The following HDAC9 variants were observed in gnomAD, a reference collection of about 807,000 sequenced individuals.
The protein encoded by HDAC9 is histone deacetylase 9, also known as MEF-2 interacting transcription repressor (MITR) protein.
A neutral mutation model predicts 139.4 loss-of-function variants in HDAC9; 41 were observed. That is an observed-to-expected ratio of 0.29 (90% CI 0.23 to 0.38). HDAC9 has a LOEUF of 0.38. HDAC9 is among the 10% of genes least tolerant of loss of function. The pLI, the probability that HDAC9 is intolerant of heterozygous loss-of-function variation, is 1.00. For synonymous variants in HDAC9, 517 were observed against 476.2 expected (o/e 1.09, Z -1.12); for missense variants, 1,147 against 1,297.0 (o/e 0.88, Z 1.78).
intron 2 of HDAC9, among the ~76,000 whole-genome samples, chr7:18,501,998 A>T (rs1190022161): frequency 2.6e-5 from 4 of 152,182 alleles, no homozygotes; most frequent in Non-Finnish European, 5.9e-5. Flanking sequence ...AGCAGCATTC[A>T]GGTCCTTCAT....
At chr7:18,209,707 C>CTT (rs570706146) in intron 2 of HDAC9, among the ~76,000 whole-genome samples, 43 of 145,742 alleles carry the variant, frequency 3.0e-4, no homozygotes, top group African/African-American at 1.0e-3. Flanking sequence ...GTACTTTTTT[C>CTT]TTTTTTTTTT....
At chr7:18,862,413 A>G (rs566256807) in intron 21 of HDAC9, among the ~76,000 whole-genome samples, 2 of 152,350 alleles carry the variant, frequency 1.3e-5, no homozygotes, top group Admixed American at 6.5e-5. Flanking sequence ...AACTAAGACA[A>G]TTTACTAAGG....
chr7:18,759,233 G>T (rs1789157807), intron 14 of HDAC9, among the ~76,000 whole-genome samples: 1 of 152,032 alleles, frequency 6.6e-6, no homozygotes, highest in South Asian at 2.1e-4. Flanking sequence ...CCAAACCCTG[G>T]GCCACGGACC....
At chr7:18,905,407 C>T (rs116508524) in intron 22 of HDAC9, among the ~76,000 whole-genome samples, 1 of 152,192 alleles carries the variant, frequency 6.6e-6, no homozygotes, top group Admixed American at 6.5e-5. Flanking sequence ...AGCTTCTTCA[C>T]GTAGATTTTT....
chr7:18,178,566 A>T (rs1789144119), intron 2 of HDAC9, among the ~76,000 whole-genome samples: 1 of 152,186 alleles, frequency 6.6e-6, no homozygotes, highest in African/African-American at 2.4e-5. Context: ...TCCTTTTAGT[A>T]ACTTGAACTT....
chr7:18,165,243 G>A lies in HDAC9; in HGVS notation c.25+2894G>A, dbSNP rs146260258. 2.4e-4 allele frequency among the ~76,000 whole-genome samples: 37 copies of A among 152,268 alleles called. No individual in the cohort carries two copies. In the East Asian group the frequency reaches 6.7e-3, roughly 28 times the overall value. ...GACTTGTTAAAAATACAGATTTCCA[G>A]ACTCCTCCCTGAAAGAGTATCGTGT... On this transcript the variant is annotated intron_variant, in intron 2 of 12. Transcript: ENST00000417496.
chr7:18,667,877 T>G (rs1392441191), intron 12 of HDAC9: 1 of 982,876 alleles, frequency 1.0e-6, no homozygotes, highest in Non-Finnish European at 1.2e-6. Context: ...GGTTTACTTT[T>G]GTTAAGCTAG....
At chr7:18,538,078 C>T (rs1407081172) in intron 2 of HDAC9, among the ~76,000 whole-genome samples, 4 of 152,202 alleles carry the variant, frequency 2.6e-5, no homozygotes, top group Non-Finnish European at 5.9e-5. Context: ...AGGGAAACTA[C>T]AGTAGTTTTT....
chr7:18,257,744 A>T (rs1795376068), intron 2 of HDAC9, among the ~76,000 whole-genome samples: 1 of 152,226 alleles, frequency 6.6e-6, no homozygotes, highest in Admixed American at 6.5e-5. Context: ...AATATCCTTA[A>T]AAACATCCTT....
At chr7:18,697,577 T>G (rs1783146029) in intron 12 of HDAC9, among the ~76,000 whole-genome samples, 1 of 152,188 alleles carries the variant, frequency 6.6e-6, no homozygotes, top group African/African-American at 2.4e-5. Flanking sequence ...CCCACTCCCT[T>G]TTCAACTGTA....
intron 13 of HDAC9, among the ~76,000 whole-genome samples, chr7:18,736,442 G>C (rs2129138272): frequency 6.6e-6 from 1 of 152,290 alleles, no homozygotes; most frequent in South Asian, 2.1e-4. Flanking sequence ...TTTTTAGCAT[G>C]AAGGGCTGTT....
intron 1 of HDAC9, among the ~76,000 whole-genome samples, chr7:18,457,068 T>G (rs1793414297): frequency 6.6e-6 from 1 of 152,234 alleles, no homozygotes; most frequent in Non-Finnish European, 1.5e-5. Flanking sequence ...CTACCTTTTC[T>G]GAGACCTTAG....
chr7:18,327,167 T>G (rs1047098470), intron 1 of HDAC9, among the ~76,000 whole-genome samples: 5 of 151,864 alleles, frequency 3.3e-5, no homozygotes, highest in Non-Finnish European at 7.4e-5. Flanking sequence ...GAAACACCTC[T>G]TTTTCATTTT....
intron 22 of HDAC9, among the ~76,000 whole-genome samples, chr7:18,881,341 C>G (rs1453472887): frequency 6.6e-6 from 1 of 152,044 alleles, no homozygotes; most frequent in Non-Finnish European, 1.5e-5. Flanking sequence ...TGATTACAAT[C>G]TGTTTGGATT....
intron 2 of HDAC9, among the ~76,000 whole-genome samples, chr7:18,213,393 T>A (rs1300307501): frequency 2.0e-5 from 3 of 152,144 alleles, no homozygotes; most frequent in African/African-American, 7.2e-5. Context: ...TTAGCTAATT[T>A]TTAACTTTCT....
intron 12 of HDAC9, among the ~76,000 whole-genome samples, chr7:18,709,012 A>C (rs1458996711): frequency 6.6e-6 from 1 of 152,158 alleles, no homozygotes; most frequent in Non-Finnish European, 1.5e-5. Flanking sequence ...TTATTCAGAA[A>C]ATAACATAAA....
chr7:18,134,784 C>T (rs1261498402), intron 1 of HDAC9, among the ~76,000 whole-genome samples: 3 of 152,046 alleles, frequency 2.0e-5, no homozygotes, highest in Admixed American at 6.6e-5. Flanking sequence ...AGAGGGAATT[C>T]TTTTCATCCA....
At chr7:18,868,616 C>G (rs968320712) in intron 21 of HDAC9, among the ~76,000 whole-genome samples, 1 of 152,020 alleles carries the variant, frequency 6.6e-6, no homozygotes, top group Non-Finnish European at 1.5e-5. Flanking sequence ...CTCATAACTC[C>G]CATAGTTCTT....
intron 2 of HDAC9, among the ~76,000 whole-genome samples, chr7:18,210,738 G>A (rs1791882338): frequency 6.6e-6 from 1 of 152,198 alleles, no homozygotes; most frequent in Admixed American, 6.5e-5. Context: ...ATTTGGACAT[G>A]AAGTAGCTTT....
Sources: gnomAD v4.1 joint callset for allele counts (sites outside exome capture counted in the v4.1 genomes callset) on GRCh38, gnomAD v4.1.1 for gene constraint, MANE v1.5 for transcripts, NCBI Gene and HGNC (gene_info 2026-07-23, HGNC 2026-07-21) for gene names.